CUBN: variants seen among roughly 807,000 people sequenced by gnomAD.
CUBN encodes the protein cubilin.
Under a neutral mutation model 405.3 loss-of-function variants are expected in CUBN, and 282 were observed. That is an observed-to-expected ratio of 0.70 (90% CI 0.63 to 0.77). The LOEUF (loss-of-function observed/expected upper bound fraction) is 0.77, where lower values mean the gene tolerates loss of function less well. Ranked by LOEUF, CUBN falls within the 30% of genes least tolerant of loss-of-function variation. CUBN has a pLI of 0.00. For synonymous variants in CUBN, 1,684 were observed against 1,617.0 expected, an observed-to-expected ratio of 1.04 and a Z score of -0.99; for missense variants, 4,514 against 4,475.2, an observed-to-expected ratio of 1.01 and a Z score of -0.25.
Position 17,046,107 on chromosome 10 carries a change from A to G in CUBN, c.3330-13T>C, listed in dbSNP as rs766371954. The G allele has an allele frequency of 6.2e-7, 1 of 1,611,374 alleles. No homozygotes were observed. Among genetic ancestry groups the G allele is most frequent in the Non-Finnish European group, 8.5e-7 (1 of 1,177,808 alleles). On this transcript the variant is annotated splice_polypyrimidine_tract_variant and intron_variant, in intron 23 of 66. Coordinates refer to ENST00000377833, the MANE Select transcript of CUBN (RefSeq NM_001081.4). The stretch of plus-strand genomic sequence containing the variant: ...ATAGCCTCCATCTCTGGCAGAATAC[A>G]GAAATTAAAATTTATTGGGTTACTG...
chr10:16,980,841 A>T (rs1405840216), intron 31 of CUBN, among the ~76,000 whole-genome samples: 1 of 151,810 alleles, frequency 6.6e-6, no homozygotes, highest in East Asian at 1.9e-4. Context: ...AAAGTATAAT[A>T]ATAATAACAA....
Position 16,900,869 on chromosome 10 carries a change from A to G in CUBN, c.8185-19T>C, listed in dbSNP as rs1412440798. On this transcript the variant is annotated intron_variant, in intron 52 of 66. Coordinates refer to ENST00000377833, the MANE Select transcript of CUBN (RefSeq NM_001081.4). ...ATGTGAGCTGCAGGAGAAAAAAGAAAATGGTTGTCAGTGAGCTTTTATCAA... is the reference window on the plus strand; with the variant it reads ...ATGTGAGCTGCAGGAGAAAAAAGAAGATGGTTGTCAGTGAGCTTTTATCAA... 1.3e-6 allele frequency: 2 copies of G among 1,552,334 alleles called. No homozygotes were observed. The highest frequency in any genetic ancestry group is 1.1e-5 in the South Asian group (1 of 88,572).
At chr10:16,996,862 G>T (rs963558001) in intron 28 of CUBN, among the ~76,000 whole-genome samples, 12 of 152,034 alleles carry the variant, frequency 7.9e-5, no homozygotes, top group African/African-American at 2.9e-4. Context: ...AGAGAGAAGT[G>T]ATTCATCACC....
chr10:17,090,156 T>C (rs147002917), intron 14 of CUBN, among the ~76,000 whole-genome samples: 1 of 151,604 alleles, frequency 6.6e-6, no homozygotes, highest in Non-Finnish European at 1.5e-5. Context: ...GTCAATAGAG[T>C]ATTGATTGAA....
chr10:16,937,101 A>C (rs1186078135), intron 39 of CUBN, among the ~76,000 whole-genome samples: 1 of 152,254 alleles, frequency 6.6e-6, no homozygotes, highest in Non-Finnish European at 1.5e-5. Flanking sequence ...GGAATGTAAA[A>C]AAGTAAAATA....
Position 17,122,834 on chromosome 10 carries a change from T to C in CUBN, c.554A>G (p.Gln185Arg), listed in dbSNP as rs1837076480. The change falls in exon 6 of 67, where the codon CAG becomes CGG. Residue 185 changes from glutamine to arginine, a missense_variant. Physicochemically the swap from Gln to Arg is conservative, Grantham distance 43. Around this residue, in one of 5 missense-constraint regions of CUBN, gnomAD observed 1,448 missense variants for 1,388.0 expected, o/e 1.04. Coordinates refer to ENST00000377833, the MANE Select transcript of CUBN (RefSeq NM_001081.4). ...TGTATTAACACATGTGCCTCCATTCTGGCAGCTCAAGGGTGTTCCTGAGTA... is the reference window on the plus strand; with the variant it reads ...TGTATTAACACATGTGCCTCCATTCCGGCAGCTCAAGGGTGTTCCTGAGTA... ...EIYSGTPLSC[Q>R]NGGTCVNTMG... 2 of 1,613,606 alleles carry C rather than the reference T, an allele frequency of 1.2e-6. No homozygotes were observed. The highest frequency in any genetic ancestry group is 2.2e-5 in the South Asian group (2 of 91,080).
chr10:16,906,554 G>A, intron 49 of CUBN, 145 bp from the exon 50 acceptor site: 1 of 675,692 alleles, frequency 1.5e-6, no homozygotes, highest in South Asian at 1.7e-5. Flanking sequence ...ATGGGTAAAA[G>A]GCATGCAAAT....
At chr10:16,844,211 G>A (rs552962974) in intron 60 of CUBN, among the ~76,000 whole-genome samples, 1 of 150,082 alleles carries the variant, frequency 6.7e-6, no homozygotes, top group South Asian at 2.1e-4. Context: ...AGAGGTTGCA[G>A]TGAGCCAAGA....
chr10:17,057,994 C>T (rs1835430166), intron 22 of CUBN, among the ~76,000 whole-genome samples: 1 of 151,910 alleles, frequency 6.6e-6, no homozygotes, highest in Admixed American at 6.6e-5. Flanking sequence ...TGGTGGCGCG[C>T]ACCTGTAATC....
intron 56 of CUBN, among the ~76,000 whole-genome samples, chr10:16,877,376 T>G (rs1840540732): frequency 6.6e-6 from 1 of 152,136 alleles, no homozygotes. Flanking sequence ...TTTAACTCAG[T>G]GACTGTAAAC....
intron 29 of CUBN, among the ~76,000 whole-genome samples, chr10:16,989,920 T>A (rs1833532687): frequency 1.3e-5 from 2 of 152,206 alleles, no homozygotes; most frequent in African/African-American, 2.4e-5. Context: ...ACTGCAAGTG[T>A]GAGGTGTTAG....
At chr10:16,842,921 C>A (rs144949918) in intron 60 of CUBN, among the ~76,000 whole-genome samples, 157 of 152,316 alleles carry the variant, frequency 1.0e-3, no homozygotes, top group African/African-American at 3.5e-3. Context: ...GAAGCTGAAC[C>A]CACACAGCTA....
intron 48 of CUBN, among the ~76,000 whole-genome samples, chr10:16,909,558 C>T (rs1379479370): frequency 3.3e-5 from 5 of 152,152 alleles, no homozygotes; most frequent in African/African-American, 1.2e-4. Flanking sequence ...TTGATGGAAT[C>T]AAAAGGGATT....
intron 28 of CUBN, among the ~76,000 whole-genome samples, chr10:16,996,168 C>T (rs1405527545): frequency 4.6e-5 from 7 of 152,116 alleles, no homozygotes; most frequent in Admixed American, 6.5e-5. Flanking sequence ...ACCTGGAAAA[C>T]GTAAACAAAG....
At chr10:16,865,915 T>A (rs1277554151) in intron 59 of CUBN, among the ~76,000 whole-genome samples, 1 of 152,144 alleles carries the variant, frequency 6.6e-6, no homozygotes, top group Non-Finnish European at 1.5e-5. Flanking sequence ...GTCCATGGCT[T>A]CATTCTTGAA....
chr10:17,023,099 C>CTT (rs137909835), intron 27 of CUBN, among the ~76,000 whole-genome samples: 3 of 151,660 alleles, frequency 2.0e-5, no homozygotes, highest in African/African-American at 4.9e-5. Context: ...AAAGAGATTT[C>CTT]TTTTTTTTCC....
intron 54 of CUBN, among the ~76,000 whole-genome samples, chr10:16,897,797 C>T (rs994640517): frequency 6.6e-6 from 1 of 152,124 alleles, no homozygotes; most frequent in African/African-American, 2.4e-5. Context: ...CGAGTGCTTC[C>T]CACGGCCACT....
chr10:16,874,309 C>A, intron 58 of CUBN, 65 bp downstream of exon 58: 1 of 1,556,886 alleles, frequency 6.4e-7, no homozygotes, highest in Non-Finnish European at 8.9e-7. Flanking sequence ...CATCAATAAA[C>A]GAATGGCTCT....
chr10:16,977,204 C>A (rs1289726328), intron 31 of CUBN, among the ~76,000 whole-genome samples: 2 of 152,136 alleles, frequency 1.3e-5, no homozygotes, highest in Non-Finnish European at 2.9e-5. Context: ...CCAGCAAAGG[C>A]CCCACTCTCA....
Sources: gnomAD v4.1 joint callset for allele counts (sites outside exome capture counted in the v4.1 genomes callset) on GRCh38, gnomAD v4.1.1 for gene constraint, gnomAD v4.1.1 regional missense constraint, MANE v1.5 for transcripts, NCBI Gene and HGNC (gene_info 2026-07-23, HGNC 2026-07-21) for gene names.